The following OR2G6 variants were observed in gnomAD, a reference collection of about 807,000 sequenced individuals.
OR2G6 encodes olfactory receptor 2G6.
For synonymous variants in OR2G6, 183 were observed against 155.2 expected (o/e 1.18, Z -1.33); for missense variants, 457 against 391.3 (o/e 1.17, Z -1.42).
At position 248,525,724 on chromosome 1, in the gene OR2G6, A is replaced by G. The variant is rs1395285249; in HGVS notation, c.*3127A>G. 1 of 151,040 alleles carries G rather than the reference A, an allele frequency of 6.6e-6. No individual in the cohort carries two copies. Among genetic ancestry groups the G allele is most frequent in the Non-Finnish European group, 1.5e-5 (1 of 68,006 alleles). 9.4% of individuals were successfully genotyped at this position (151,040 alleles called of 1,614,324 possible). On this transcript the variant is annotated 3_prime_UTR_variant, in exon 2 of 2. Coordinates refer to ENST00000641804, the MANE Select transcript of OR2G6 (RefSeq NM_001013355.2). Reference sequence around the variant, plus strand: ...CAAGATCAAATTCACACATAAAAATATTAATCTTAGGCAGGGCACAGTGGC... The same window carrying G: ...CAAGATCAAATTCACACATAAAAATGTTAATCTTAGGCAGGGCACAGTGGC...
At position 248,522,023 on chromosome 1, in the gene OR2G6, T is replaced by G. The variant is rs200956198; in HGVS notation, c.377T>G (p.Val126Gly). ...ATGGCTTATGACCGCTATGCTGCTG[T>G]CTGCCGGCCACTGCGCTACATAGCC... ...AVMAYDRYAA[V>G]CRPLRYIAIM... Residue 126 changes from valine (V) to glycine (G), a missense_variant, in exon 2 of 2, where the codon GTC becomes GGC. By Grantham distance (109) the Val-to-Gly change is moderately radical (BLOSUM62 -3). Coordinates refer to ENST00000641804, the MANE Select transcript of OR2G6 (RefSeq NM_001013355.2). 5.8e-5 allele frequency: 94 copies of G among 1,614,084 alleles called. 1 individual carries two copies. In the Middle Eastern group the frequency reaches 8.2e-4, roughly 14 times the overall value.
rs953684172 is a variant in OR2G6 at position 248,523,493 on chromosome 1, AAC to A, written c.*898_*899del. 13 of 151,794 alleles carry A rather than the reference AAC, an allele frequency of 8.6e-5. No individual in the cohort carries two copies. Among genetic ancestry groups the A allele is most frequent in the African/African-American group, 1.2e-4 (5 of 41,040 alleles). The allele number at this position is 151,794 out of a possible 1,614,324, so 9.4% of individuals were successfully genotyped here. ...TTGTTTTTGGCCTTAAACTCTGGAA[AAC>A]AGTTACTTATGTAATTTTATACTTC... On this transcript the variant is annotated 3_prime_UTR_variant, in exon 2 of 2. Coordinates refer to ENST00000641804, the MANE Select transcript of OR2G6 (RefSeq NM_001013355.2).
rs78750909 is a variant in OR2G6 at position 248,522,388 on chromosome 1, G to A, written c.742G>A (p.Val248Ile). ...FGTCSSHLVV[V>I]IIFYGTIIFM... Reference sequence around the variant, plus strand: ...GACCTGTTCGTCTCACCTGGTTGTGGTCATCATTTTCTATGGGACCATCAT... The same window carrying A: ...GACCTGTTCGTCTCACCTGGTTGTGATCATCATTTTCTATGGGACCATCAT... Residue 248 changes from valine (V) to isoleucine (I), a missense_variant, in exon 2 of 2, where the codon GTC becomes ATC. Coordinates refer to ENST00000641804, the MANE Select transcript of OR2G6 (RefSeq NM_001013355.2). 1.7e-3 allele frequency: 2,696 copies of A among 1,614,130 alleles called. 32 individuals carry two copies. In the African/African-American group the frequency reaches 0.019, roughly 11 times the overall value.
rs1198801718 is a variant in OR2G6 at position 248,524,128 on chromosome 1, A to T, written c.*1531A>T. The T allele has an allele frequency of 6.6e-6, 1 of 152,170 alleles. No individual in the cohort carries two copies. The highest frequency in any genetic ancestry group is 1.9e-4 in the East Asian group (1 of 5,198). 9.4% of individuals were successfully genotyped at this position (152,170 alleles called of 1,614,324 possible). ...TAGCCTGTCTACGAATGTTAAGGAT[A>T]ACGTTTGGACCTGCCTCTCCTACCA... On this transcript the variant is annotated 3_prime_UTR_variant, in exon 2 of 2. Transcript: ENST00000641804.
intron 1 of OR2G6, among the ~76,000 whole-genome samples, chr1:248,520,458 T>C (rs1031519765): frequency 6.6e-6 from 1 of 152,218 alleles, no homozygotes; most frequent in African/African-American, 2.4e-5. Context: ...TAATTCTACT[T>C]AGACAACTCT....
At chr1:248,520,045 C>A (rs1262593712) in intron 1 of OR2G6, among the ~76,000 whole-genome samples, 2 of 152,084 alleles carry the variant, frequency 1.3e-5, no homozygotes, top group Non-Finnish European at 2.9e-5. Context: ...CAATGATAGA[C>A]TGGATAAAGA....
chr1:248,522,017 C>G lies in OR2G6; in HGVS notation c.371C>G (p.Ala124Gly). 1.2e-6 allele frequency: 2 copies of G among 1,614,214 alleles called. No homozygotes were observed. Among genetic ancestry groups the G allele is most frequent in the Non-Finnish European group, 1.7e-6 (2 of 1,180,036 alleles). ...GCCGTCATGGCTTATGACCGCTATG[C>G]TGCTGTCTGCCGGCCACTGCGCTAC... ...LLAVMAYDRY[A>G]AVCRPLRYIA... Residue 124 changes from alanine (A) to glycine (G), a missense_variant, in exon 2 of 2, where the codon GCT (alanine) becomes GGT (glycine). Physicochemically the swap from Ala to Gly is moderately conservative, Grantham distance 60. Coordinates refer to ENST00000641804, the MANE Select transcript of OR2G6 (RefSeq NM_001013355.2).
rs1311092153 is a variant in OR2G6 at position 248,521,760 on chromosome 1, C to A, written c.114C>A (p.Ser38Arg). 3 of 1,614,076 alleles carry A rather than the reference C, an allele frequency of 1.9e-6. No individual in the cohort carries two copies. Residue 38 changes from serine (S) to arginine (R), a missense_variant, in exon 2 of 2, where the codon AGC becomes AGA. Coordinates refer to ENST00000641804, the MANE Select transcript of OR2G6 (RefSeq NM_001013355.2). Reference protein sequence around the residue: ...FAIILYFYVLSLLGNTALILV... With the variant: ...FAIILYFYVLRLLGNTALILV... ...TCATTTTGTACTTCTACGTCTTGAG[C>A]CTTCTGGGGAACACTGCCCTCATAC...
At position 248,521,629 on chromosome 1, in the gene OR2G6, C is replaced by A; in HGVS notation, c.-18C>A. 6.4e-7 allele frequency: 1 copy of A among 1,573,854 alleles called. No homozygotes were observed. The highest frequency in any genetic ancestry group is 1.1e-5 in the South Asian group (1 of 88,744). On this transcript the variant is annotated 5_prime_UTR_variant, in exon 2 of 2. Coordinates refer to ENST00000641804, the MANE Select transcript of OR2G6 (RefSeq NM_001013355.2). ...CACTTAGTATTTGAAGCTGAAGAGT[C>A]CTGAAGCTGCAGGAAAAATGGAGGA...
Position 248,522,628 on chromosome 1 carries a change from A to ACCT in OR2G6, c.*33_*35dup, listed in dbSNP as rs558614967. On this transcript the variant is annotated 3_prime_UTR_variant, in exon 2 of 2. Transcript: ENST00000641804. ...ACCTGGAATTCTAAACAAGGGAAAC[A>ACCT]CCTCAAGGCAGAGTGAGGGTTCATC... The ACCT allele has an allele frequency of 1.0e-3, 1,514 of 1,453,402 alleles. 32 individuals carry two copies. The South Asian group carries it at 0.018, about 17-fold the overall frequency. 90.0% of individuals were successfully genotyped at this position (1,453,402 alleles called of 1,614,324 possible). A position where few individuals can be genotyped will look rare whatever the true frequency, so the allele number is the denominator to read the frequency against.
Position 248,521,605 on chromosome 1 carries a change from AC to A in OR2G6, c.-36-5del. The A allele has an allele frequency of 7.5e-7, 1 of 1,332,242 alleles. No homozygotes were observed. Among genetic ancestry groups the A allele is most frequent in the Non-Finnish European group, 1.1e-6 (1 of 944,544 alleles). 82.5% of individuals were successfully genotyped at this position (1,332,242 alleles called of 1,614,324 possible). Reference sequence around the variant, plus strand: ...TACTTTCTATCCCCAAATATTAATCACTTAGTATTTGAAGCTGAAGAGTCCT... The same window carrying A: ...TACTTTCTATCCCCAAATATTAATCATTAGTATTTGAAGCTGAAGAGTCCT... On this transcript the variant is annotated splice_region_variant and splice_polypyrimidine_tract_variant and intron_variant, in intron 1 of 1. Transcript: ENST00000641804.
chr1:248,523,103 CTT>C lies in OR2G6; in HGVS notation c.*507_*508del. On this transcript the variant is annotated 3_prime_UTR_variant, in exon 2 of 2. Coordinates refer to ENST00000641804, the MANE Select transcript of OR2G6 (RefSeq NM_001013355.2). The stretch of plus-strand genomic sequence containing the variant: ...TGTTTCATAATATGTTTCCATAGCA[CTT>C]GATCCACACTACCATTTCTACATTT... The C allele has an allele frequency of 1.9e-5, 3 of 157,302 alleles. No individual in the cohort carries two copies. The highest frequency in any genetic ancestry group is 6.1e-5 in the Admixed American group (1 of 16,326). 9.7% of individuals were successfully genotyped at this position (157,302 alleles called of 1,614,324 possible). A position where few individuals can be genotyped will look rare whatever the true frequency, so the allele number is the denominator to read the frequency against.
intron 1 of OR2G6, among the ~76,000 whole-genome samples, chr1:248,520,001 A>G (rs1222669109): frequency 6.6e-6 from 1 of 152,138 alleles, no homozygotes; most frequent in African/African-American, 2.4e-5. Flanking sequence ...ACTATTCACA[A>G]CAGCAAAGAC....
At chr1:248,520,240 CAGGG>C (rs1664254467) in intron 1 of OR2G6, among the ~76,000 whole-genome samples, 2 of 152,016 alleles carry the variant, frequency 1.3e-5, no homozygotes, top group African/African-American at 4.8e-5. Context: ...CACATGGACA[CAGGG>C]AGGGGAACAT....
chr1:248,508,835 T>C (rs1266526363), intron 1 of OR2G6, among the ~76,000 whole-genome samples: 1 of 88,394 alleles, frequency 1.1e-5, no homozygotes, highest in Non-Finnish European at 1.9e-5. Context: ...ATTTTACTTA[T>C]TATAAATGTT....
Position 248,526,336 on chromosome 1 carries a change from G to A in OR2G6, c.*3739G>A, listed in dbSNP as rs1659096949. 1 of 152,152 alleles carries A rather than the reference G, an allele frequency of 6.6e-6. No individual in the cohort carries two copies. Among genetic ancestry groups the A allele is most frequent in the Admixed American group, 6.6e-5 (1 of 15,266 alleles). The allele number at this position is 152,152 out of a possible 1,614,324, so 9.4% of individuals were successfully genotyped here. On this transcript the variant is annotated 3_prime_UTR_variant, in exon 2 of 2. Transcript: ENST00000641804. ...TTACAGCCAACTGATTTTTGACAAA[G>A]GTGCCAAGAACATACACTGGGGAAA...
At position 248,522,672 on chromosome 1, in the gene OR2G6, T is replaced by C. The variant is rs1664316667; in HGVS notation, c.*75T>C. 4.1e-6 allele frequency: 4 copies of C among 969,412 alleles called. 1 individual carries two copies. The South Asian group carries it at 6.7e-5, about 16-fold the overall frequency. 60.1% of individuals were successfully genotyped at this position (969,412 alleles called of 1,614,324 possible). On this transcript the variant is annotated 3_prime_UTR_variant, in exon 2 of 2. Coordinates refer to ENST00000641804, the MANE Select transcript of OR2G6 (RefSeq NM_001013355.2). ...GTTCATCCTCCCCAGACATTCCTCT[T>C]GTCAATCCCAAAGCCACAGGGACTA... is the stretch of plus-strand genomic sequence containing the variant.
At position 248,522,528 on chromosome 1, in the gene OR2G6, C is replaced by CAAAG. The variant is rs1664314310; in HGVS notation, c.884_887dup (p.Asp296GlufsTer14). On this transcript the variant is annotated frameshift_variant, in exon 2 of 2. Coordinates refer to ENST00000641804, the MANE Select transcript of OR2G6 (RefSeq NM_001013355.2). LOFTEE classifies it low-confidence loss of function (END_TRUNC). ...ACCCCATTATCTACACTCTGAGAAA[C>CAAAG]AAAGATGTGAAAGGGGCCTTGAGGA... 1.2e-6 allele frequency: 2 copies of CAAAG among 1,613,944 alleles called. No homozygotes were observed. Among genetic ancestry groups the CAAAG allele is most frequent in the African/African-American group, 2.7e-5 (2 of 74,882 alleles).
rs1558373242 is a variant in OR2G6 at position 248,523,418 on chromosome 1, A to G, written c.*821A>G. The G allele has an allele frequency of 1.3e-5, 2 of 152,206 alleles. No individual in the cohort carries two copies. Among genetic ancestry groups the G allele is most frequent in the Non-Finnish European group, 2.9e-5 (2 of 68,036 alleles). 9.4% of individuals were successfully genotyped at this position (152,206 alleles called of 1,614,324 possible). Reference sequence around the variant, plus strand: ...TGATTAAAAGTTGAGTAAAATTGCCATATACTAAAATGTGTTTTAACATTT... The same window carrying G: ...TGATTAAAAGTTGAGTAAAATTGCCGTATACTAAAATGTGTTTTAACATTT... On this transcript the variant is annotated 3_prime_UTR_variant, in exon 2 of 2. Transcript: ENST00000641804.
Sources: gnomAD v4.1 joint callset for allele counts (sites outside exome capture counted in the v4.1 genomes callset) on GRCh38, gnomAD v4.1.1 for gene constraint, MANE v1.5 for transcripts, NCBI Gene and HGNC (gene_info 2026-07-23, HGNC 2026-07-21) for gene names.